The following CCAR1 variants were observed in gnomAD, a reference collection of about 807,000 sequenced individuals.
CCAR1 encodes the protein cell division cycle and apoptosis regulator protein 1.
CCAR1 carries 78 observed loss-of-function variants against 163.8 expected under a neutral mutation model. The ratio of observed to expected loss-of-function variants is 0.48; its 90% confidence interval spans 0.40 to 0.57. The LOEUF is 0.57. Among genes scored for constraint, CCAR1 ranks in the 20% least tolerant of loss-of-function variants. The pLI is 0.00. For synonymous variants in CCAR1, 443 were observed against 460.7 expected, an observed-to-expected ratio of 0.96 and a Z score of 0.49; for missense variants, 1,019 against 1,365.2, an observed-to-expected ratio of 0.75 and a Z score of 4.00.
At position 68,756,493 on chromosome 10, in the gene CCAR1, G is replaced by A. The variant is rs765723759; in HGVS notation, c.1836+10G>A. On this transcript the variant is annotated intron_variant, in intron 14 of 24. Transcript: ENST00000265872. The surrounding 1 kb of genome is among the most constrained non-coding windows in gnomAD (Gnocchi z 5.1). ...GGCTGATGGAGAACAGGCACTGAACGCTAATCCCTTTTTCTATTTCCGCTT... is the reference window on the plus strand; with the variant it reads ...GGCTGATGGAGAACAGGCACTGAACACTAATCCCTTTTTCTATTTCCGCTT... The A allele has an allele frequency of 5.7e-6, 9 of 1,590,210 alleles. No homozygotes were observed. The highest frequency in any genetic ancestry group is 6.9e-6 in the Non-Finnish European group (8 of 1,166,970).
In CCAR1 at chr10:68,742,739, C is replaced by T. The variant is rs530285853; in HGVS notation, c.518+170C>T. Among the ~76,000 whole-genome samples, 8 of 152,190 alleles carry T rather than the reference C, an allele frequency of 5.3e-5. No homozygotes were observed. The East Asian group carries it at 9.6e-4, about 18-fold the overall frequency. On this transcript the variant is annotated intron_variant, in intron 6 of 24. Coordinates refer to ENST00000265872, the MANE Select transcript of CCAR1 (RefSeq NM_018237.4). ...CAAGCAATTCTCTTGCCTCAGCCTTCGGAGTAGCTGGGATGACAGGCGTGC... is the reference window on the plus strand; with the variant it reads ...CAAGCAATTCTCTTGCCTCAGCCTTTGGAGTAGCTGGGATGACAGGCGTGC...
Position 68,730,766 on chromosome 10 carries a change from C to T in CCAR1, c.74-6110C>T, listed in dbSNP as rs184339055. ...GAGTACAGTGGTGCAGTCACGCTCG[C>T]TGTAGCCTTGATATCCTGGGCTCAG... On this transcript the variant is annotated intron_variant, in intron 2 of 24. Transcript: ENST00000265872. Among the ~76,000 whole-genome samples the T allele has an allele frequency of 2.6e-5, 4 of 152,300 alleles. No homozygotes were observed. In the East Asian group the frequency reaches 7.7e-4, roughly 29 times the overall value.
chr10:68,729,201 A>G (rs2055996196), intron 2 of CCAR1, among the ~76,000 whole-genome samples: 1 of 151,990 alleles, frequency 6.6e-6, no homozygotes, highest in Admixed American at 6.6e-5. Flanking sequence ...CACTTGTAAT[A>G]GGTTATATTT....
chr10:68,742,822 G>A (rs552767444), intron 6 of CCAR1, among the ~76,000 whole-genome samples: 2 of 152,172 alleles, frequency 1.3e-5, no homozygotes, highest in South Asian at 4.1e-4. Flanking sequence ...TCACCATGTC[G>A]GCCAGATTGG....
Position 68,732,817 on chromosome 10 carries a change from C to T in CCAR1, c.74-4059C>T, listed in dbSNP as rs567209979. Among the ~76,000 whole-genome samples, 9 of 152,084 alleles carry T rather than the reference C, an allele frequency of 5.9e-5. No individual in the cohort carries two copies. The East Asian group carries it at 9.7e-4, about 16-fold the overall frequency. ...GGCATGCGACTGTAGTCCCAGTTGC[C>T]GGGGATGCTGAGGCGAGAGGATTGC... On this transcript the variant is annotated intron_variant, in intron 2 of 24. Transcript: ENST00000265872.
At chr10:68,729,545 A>G (rs545612963) in intron 2 of CCAR1, among the ~76,000 whole-genome samples, 4 of 151,912 alleles carry the variant, frequency 2.6e-5, no homozygotes, top group Non-Finnish European at 5.9e-5. Context: ...CTGGGATTAC[A>G]GGTGTGAGCC....
chr10:68,788,933 A>G (rs2056824313), intron 23 of CCAR1, among the ~76,000 whole-genome samples: 1 of 149,386 alleles, frequency 6.7e-6, no homozygotes, highest in Non-Finnish European at 1.5e-5. Context: ...TTTTTGAGAC[A>G]GAGTTTTGCC....
intron 16 of CCAR1, among the ~76,000 whole-genome samples, chr10:68,761,473 A>AT (rs1277825217): frequency 1.3e-5 from 2 of 150,158 alleles, no homozygotes; most frequent in African/African-American, 4.9e-5. Flanking sequence ...CGCCTGGCTA[A>AT]TTTTTTGTAT....
rs2056621978 is a variant in CCAR1 at position 68,772,996 on chromosome 10, T to C, written c.2547T>C (p.Asp849=). ...GGCATTTTAAATTATAGAAAGAAGA[T>C]AAAAGAAAAGATGATTCTAAAGATG... The part of the protein sequence containing the change: ...KEDRDERKKE[D]KRKDDSKDDD... Residue 849 remains aspartate, a synonymous_variant, in exon 19 of 25, where the codon GAT becomes GAC. Transcript: ENST00000265872. 7.2e-7 allele frequency: 1 copy of C among 1,392,336 alleles called. No individual in the cohort carries two copies. The allele number at this position is 1,392,336 out of a possible 1,614,324, so 86.2% of individuals were successfully genotyped here. A position where few individuals can be genotyped will look rare whatever the true frequency, so the allele number is the denominator to read the frequency against.
At position 68,771,478 on chromosome 10, in the gene CCAR1, A is replaced by G. The variant is rs759052957; in HGVS notation, c.2538+33A>G. On this transcript the variant is annotated intron_variant, in intron 18 of 24. Coordinates refer to ENST00000265872, the MANE Select transcript of CCAR1 (RefSeq NM_018237.4). The stretch of plus-strand genomic sequence containing the variant: ...ATAACAACCTGCTTTAGAAGCTTTC[A>G]GTTACTCTTCTAGGTTATAAAGGTT... 1.6e-5 allele frequency: 24 copies of G among 1,526,026 alleles called. No individual in the cohort carries two copies. The South Asian group carries it at 2.9e-4, about 19-fold the overall frequency. The allele number at this position is 1,526,026 out of a possible 1,614,324, so 94.5% of individuals were successfully genotyped here.
intron 19 of CCAR1, 100 bp from the exon 20 acceptor site, chr10:68,786,036 G>C: frequency 1.3e-6 from 1 of 745,092 alleles, no homozygotes; most frequent in Non-Finnish European, 2.4e-6. Flanking sequence ...TCGAACGCCT[G>C]GCCCTCCTGA....
At chr10:68,774,427 C>T (rs1055830951) in intron 19 of CCAR1, among the ~76,000 whole-genome samples, 4 of 152,000 alleles carry the variant, frequency 2.6e-5, no homozygotes, top group Admixed American at 2.6e-4. Flanking sequence ...CACCTGAGGT[C>T]AGGGGTTCAA....
intron 17 of CCAR1, among the ~76,000 whole-genome samples, chr10:68,769,490 C>T (rs1274710945): frequency 2.0e-5 from 3 of 151,820 alleles, no homozygotes; most frequent in Admixed American, 6.6e-5. Context: ...CGTGGTGGCG[C>T]GTACGTGTAA....
chr10:68,723,856 A>G (rs1403994819), intron 2 of CCAR1, among the ~76,000 whole-genome samples: 35 of 147,988 alleles, frequency 2.4e-4, no homozygotes, highest in African/African-American at 7.9e-4. Context: ...TCAAAAAGAA[A>G]AAAAAAAAAA....
At chr10:68,761,453 C>A (rs2056468759) in intron 16 of CCAR1, among the ~76,000 whole-genome samples, 2 of 150,974 alleles carry the variant, frequency 1.3e-5, no homozygotes, top group African/African-American at 2.4e-5. Context: ...ATTACAGGCG[C>A]CCGCCACTAC....
chr10:68,755,806 C>T (rs2056391622), intron 13 of CCAR1, among the ~76,000 whole-genome samples: 1 of 152,182 alleles, frequency 6.6e-6, no homozygotes, highest in Non-Finnish European at 1.5e-5. Flanking sequence ...AAATACTTTT[C>T]ATTTCATGCA....
At chr10:68,762,126 G>A (rs1367540905) in intron 16 of CCAR1, among the ~76,000 whole-genome samples, 4 of 151,644 alleles carry the variant, frequency 2.6e-5, no homozygotes, top group Non-Finnish European at 4.4e-5. Context: ...TCAGGAGATC[G>A]AGACCGTCCT....
chr10:68,773,056 A>G lies in CCAR1; in HGVS notation c.2607A>G (p.Glu869=), dbSNP rs2056622784. The change falls in exon 19 of 25, where the codon GAA becomes GAG. Residue 869 remains glutamate (E), a synonymous_variant. Transcript: ENST00000265872. Reference sequence around the variant, plus strand: ...CTGAAGAAGATAACAATCAAGATGAATATGACCCTATGGAAGCAGAAGAAG... The same window carrying G: ...CTGAAGAAGATAACAATCAAGATGAGTATGACCCTATGGAAGCAGAAGAAG... ...DETEEDNNQD[E]YDPMEAEEAE... 2 of 1,568,478 alleles carry G rather than the reference A, an allele frequency of 1.3e-6. No individual in the cohort carries two copies. Among genetic ancestry groups the G allele is most frequent in the East Asian group, 4.6e-5 (2 of 43,256 alleles).
intron 19 of CCAR1, among the ~76,000 whole-genome samples, chr10:68,780,631 C>G (rs1040807551): frequency 6.6e-6 from 1 of 152,298 alleles, no homozygotes; most frequent in East Asian, 1.9e-4. Flanking sequence ...TAGTGCCTTA[C>G]GCCAAGCAAG....
Sources: gnomAD v4.1 joint callset for allele counts (sites outside exome capture counted in the v4.1 genomes callset) on GRCh38, gnomAD v4.1.1 for gene constraint, Gnocchi (gnomAD v3.1) non-coding constraint, MANE v1.5 for transcripts, NCBI Gene and HGNC (gene_info 2026-07-23, HGNC 2026-07-21) for gene names.